DET1: variants seen among roughly 807,000 people sequenced by gnomAD.
DET1 encodes DET1 partner of COP1 E3 ubiquitin ligase.
A neutral mutation model predicts 43.7 loss-of-function variants in DET1; 22 were observed. That is an observed-to-expected ratio of 0.50 (90% CI 0.36 to 0.72). DET1 has a LOEUF of 0.72. Ranked by LOEUF, DET1 falls within the 30% of genes least tolerant of loss-of-function variation. DET1 has a pLI of 0.00. For missense variants in DET1, 713 were observed against 713.3 expected, an observed-to-expected ratio of 1.00 and a Z score of 0.00; for synonymous variants, 315 against 266.2, an observed-to-expected ratio of 1.18 and a Z score of -1.79.
Position 88,545,340 on chromosome 15 carries a change from T to C in DET1, c.-11+1200A>G, listed in dbSNP as rs528725759. On this transcript the variant is annotated intron_variant, in intron 1 of 4. Transcript: ENST00000268148. ...GGAGCCCACCCAAGCCAATCGGGCC[T>C]TTAACTGCTCTAGGTGACCCTATGT... Among the ~76,000 whole-genome samples, 60 of 152,322 alleles carry C rather than the reference T, an allele frequency of 3.9e-4. No homozygotes were observed. The South Asian group carries it at 0.012, about 31-fold the overall frequency.
In DET1 at chr15:88,530,729, A is replaced by T; in HGVS notation, c.977T>A (p.Leu326Gln). Reference protein sequence around the residue: ...KRRFFQYFDQLRQLRMWKMQL... With the variant: ...KRRFFQYFDQQRQLRMWKMQL... ...CATTTTCCACATTCGCAGCTGCCGCAGTTGGTCAAAATACTGGAAGAAGCG... is the reference window on the plus strand; with the variant it reads ...CATTTTCCACATTCGCAGCTGCCGCTGTTGGTCAAAATACTGGAAGAAGCG... The change falls in exon 2 of 5, where the codon CTG becomes CAG. Residue 326 changes from leucine to glutamine, a missense_variant. By Grantham distance (113) the Leu-to-Gln change is moderately radical (BLOSUM62 -2). Transcript: ENST00000268148. The T allele has an allele frequency of 6.2e-7, 1 of 1,613,974 alleles. No homozygotes were observed. The highest frequency in any genetic ancestry group is 8.5e-7 in the Non-Finnish European group (1 of 1,179,872).
At position 88,530,938 on chromosome 15, in the gene DET1, A is replaced by G. The variant is rs747578138; in HGVS notation, c.768T>C (p.Ile256=). The change falls in exon 2 of 5, where the codon ATT becomes ATC. Residue 256 remains isoleucine (I), a synonymous_variant. Transcript: ENST00000268148. ...PEGTFIDVRT[I]GRFCYEDDLL... is the part of the protein sequence containing the mutation. The stretch of plus-strand genomic sequence containing the variant: ...GGTCATCCTCATAGCAAAAGCGGCC[A>G]ATGGTCCGCACATCAATGAAAGTGC... 6.2e-7 allele frequency: 1 copy of G among 1,614,016 alleles called. No homozygotes were observed. Among genetic ancestry groups the G allele is most frequent in the South Asian group, 1.1e-5 (1 of 91,078 alleles).
At position 88,531,424 on chromosome 15, in the gene DET1, C is replaced by G; in HGVS notation, c.282G>C (p.Glu94Asp). 6.2e-7 allele frequency: 1 copy of G among 1,613,996 alleles called. No homozygotes were observed. Among genetic ancestry groups the G allele is most frequent in the Non-Finnish European group, 8.5e-7 (1 of 1,179,886 alleles). ...IYEYQGCQAA[E>D]DLLQGYEGEI... ...CTCCTTCGTATCCCTGCAGTAGGTCCTCTGCTGCCTGGCAGCCCTGGTACT... is the reference window on the plus strand; with the variant it reads ...CTCCTTCGTATCCCTGCAGTAGGTCGTCTGCTGCCTGGCAGCCCTGGTACT... The change falls in exon 2 of 5, where the codon GAG becomes GAC. Residue 94 changes from glutamate (E) to aspartate (D), a missense_variant. Transcript: ENST00000268148. The surrounding 1 kb of genome is among the most constrained non-coding windows in gnomAD (Gnocchi z 6.2).
At chr15:88,543,094 T>A (rs1037603372) in intron 1 of DET1, among the ~76,000 whole-genome samples, 3 of 152,142 alleles carry the variant, frequency 2.0e-5, no homozygotes, top group Non-Finnish European at 4.4e-5. Flanking sequence ...GAAAAAGACT[T>A]TAACTGAAGC....
At chr15:88,512,447 T>C (rs1314343073), downstream of DET1, 10 of 985,922 alleles carry the variant, frequency 1.0e-5, no homozygotes, top group African/African-American at 8.7e-5. Flanking sequence ...TTGAGTATGA[T>C]AGGAACATAA....
intron 1 of DET1, among the ~76,000 whole-genome samples, chr15:88,538,592 C>A (rs979443969): frequency 9.9e-5 from 15 of 152,134 alleles, no homozygotes; most frequent in African/African-American, 3.6e-4. Context: ...GTAAAGGACT[C>A]TTAATTAGTC....
chr15:88,536,674 G>A (rs920743130), intron 1 of DET1, among the ~76,000 whole-genome samples: 8 of 148,406 alleles, frequency 5.4e-5, no homozygotes, highest in African/African-American at 2.0e-4. Context: ...AGGAGGCTGA[G>A]GCAGGAGAAC....
chr15:88,521,600 G>A (rs1430157015), intron 3 of DET1, among the ~76,000 whole-genome samples: 1 of 152,226 alleles, frequency 6.6e-6, no homozygotes, highest in East Asian at 1.9e-4. Context: ...AAAGGTACAT[G>A]AGAGGTAATC....
In DET1 at chr15:88,527,673, A is replaced by G. The variant is rs771096906; in HGVS notation, c.1197T>C (p.Asn399=). 8.1e-6 allele frequency: 13 copies of G among 1,613,808 alleles called. No individual in the cohort carries two copies. The South Asian group carries it at 1.1e-4, about 14-fold the overall frequency. The part of the protein sequence containing the change: ...LFENFCDLFR[N]ATLHSEVQFP... ...ACTGAACTTCACTGTGCAGGGTAGC[A>G]TTACGAAAAAGGTCACAGAAGTTCT... Residue 399 remains asparagine, a synonymous_variant, in exon 3 of 5, where the codon AAT becomes AAC. Coordinates refer to ENST00000268148, the MANE Select transcript of DET1 (RefSeq NM_001144074.3).
chr15:88,529,317 C>T (rs1196434934), intron 2 of DET1, among the ~76,000 whole-genome samples: 2 of 152,140 alleles, frequency 1.3e-5, no homozygotes, highest in Admixed American at 1.3e-4. Context: ...TATAGAATTA[C>T]TCAAACATTT....
rs1277945572 is a variant in DET1 at position 88,516,048 on chromosome 15, T to C, written c.1463+734A>G. 6.6e-6 allele frequency among the ~76,000 whole-genome samples: 1 copy of C among 152,238 alleles called. No individual in the cohort carries two copies. Among genetic ancestry groups the C allele is most frequent in the Non-Finnish European group, 1.5e-5 (1 of 68,040 alleles). On this transcript the variant is annotated intron_variant, in intron 4 of 4. Coordinates refer to ENST00000268148, the MANE Select transcript of DET1 (RefSeq NM_001144074.3). The surrounding 1 kb of genome is among the most constrained non-coding windows in gnomAD (Gnocchi z 4.4). ...AGGCACATTTAATACACAATGAGAC[T>C]GGATGATGAAATATATCTATCATAA...
At chr15:88,533,449 T>C (rs2056868196) in intron 1 of DET1, among the ~76,000 whole-genome samples, 1 of 152,176 alleles carries the variant, frequency 6.6e-6, no homozygotes, top group Non-Finnish European at 1.5e-5. Context: ...CCAAAATAAC[T>C]GAAAGCAGGA....
chr15:88,527,617 G>T lies in DET1; in HGVS notation c.1253C>A (p.Ala418Glu). 6.2e-7 allele frequency: 1 copy of T among 1,607,324 alleles called. No individual in the cohort carries two copies. The highest frequency in any genetic ancestry group is 8.5e-7 in the Non-Finnish European group (1 of 1,176,264). ...FPCSASSNNF[A>E]RQIQRRFKDT... ...AGCTTACCGGCGCTGGATCTGCCTTGCAAAATTGTTGCTAGAAGCTGAGCA... is the reference window on the plus strand; with the variant it reads ...AGCTTACCGGCGCTGGATCTGCCTTTCAAAATTGTTGCTAGAAGCTGAGCA... Residue 418 changes from alanine to glutamate, a missense_variant, in exon 3 of 5, where the codon GCA becomes GAA. Physicochemically the swap from Ala to Glu is moderately radical, Grantham distance 107. Coordinates refer to ENST00000268148, the MANE Select transcript of DET1 (RefSeq NM_001144074.3).
In DET1 at chr15:88,531,726, A is replaced by G. The variant is rs201260332; in HGVS notation, c.-10-11T>C. 2 of 1,585,702 alleles carry G rather than the reference A, an allele frequency of 1.3e-6. No homozygotes were observed. The highest frequency in any genetic ancestry group is 1.7e-6 in the Non-Finnish European group (2 of 1,163,298). ...TCCATTATCACATCTCTAAACAGAA[A>G]AGTAAAGCAGAAGTCAAGAAAGTGA... On this transcript the variant is annotated splice_polypyrimidine_tract_variant and intron_variant, in intron 1 of 4. Transcript: ENST00000268148. This position sits in a 1 kb window ranked among gnomAD's most constrained non-coding sequence, Gnocchi z 6.2.
At chr15:88,503,311 A>G (rs967705898) in intron 8 of DET1, 3 of 152,118 alleles carry the variant, frequency 2.0e-5, no homozygotes, top group Non-Finnish European at 2.9e-5. Flanking sequence ...AAAACAGGAG[A>G]AAGAGAAATT....
At position 88,543,915 on chromosome 15, in the gene DET1, G is replaced by A. The variant is rs140288145; in HGVS notation, c.-11+2625C>T. ...GGTTCTAAACCCAGCCTAGGCCACC[G>A]TCTCTGAGAAAACTCGCCAGAAGAA... is the stretch of plus-strand genomic sequence containing the variant. On this transcript the variant is annotated intron_variant, in intron 1 of 4. Transcript: ENST00000268148. 1.6e-3 allele frequency among the ~76,000 whole-genome samples: 240 copies of A among 152,290 alleles called. 4 individuals are homozygous for A. The South Asian group carries it at 0.037, about 24-fold the overall frequency.
At chr15:88,536,576 G>A (rs146447675) in intron 1 of DET1, among the ~76,000 whole-genome samples, 1,810 of 151,880 alleles carry the variant, frequency 0.012, 32 homozygotes, top group African/African-American at 0.038. Flanking sequence ...TCAGGAGTTC[G>A]AGACCAGCCT....
intron 4 of DET1, among the ~76,000 whole-genome samples, chr15:88,515,287 C>G (rs776686319): frequency 6.6e-6 from 1 of 151,988 alleles, no homozygotes; most frequent in African/African-American, 2.4e-5. Flanking sequence ...AGCCTGTAAT[C>G]CCAGCACTTT....
chr15:88,534,781 C>T (rs2056905658), intron 1 of DET1, among the ~76,000 whole-genome samples: 1 of 152,218 alleles, frequency 6.6e-6, no homozygotes, highest in South Asian at 2.1e-4. Flanking sequence ...AAGAGAGTTA[C>T]AAATTGCAAA....
Sources: gnomAD v4.1 joint callset for allele counts (sites outside exome capture counted in the v4.1 genomes callset) on GRCh38, gnomAD v4.1.1 for gene constraint, Gnocchi (gnomAD v3.1) non-coding constraint, MANE v1.5 for transcripts, NCBI Gene and HGNC (gene_info 2026-07-23, HGNC 2026-07-21) for gene names.